Variants in CHLSN observed in about 807,000 individuals in gnomAD.
CHLSN encodes cholesin.
the CHLSN span, among the ~76,000 whole-genome samples, chr7:1,117,040 G>A: frequency 2.0e-5 from 2 of 102,262 alleles, no homozygotes; most frequent in African/African-American, 1.2e-4. Context: ...TCTACGGACC[G>A]GCTTCCATCA....
chr7:1,030,580 A>G, the CHLSN span, among the ~76,000 whole-genome samples: 1 of 152,172 alleles, frequency 6.6e-6, no homozygotes, highest in Admixed American at 6.5e-5. Flanking sequence ...GTGGACACAT[A>G]CCAGCTGCTA....
chr7:1,090,754 C>T, the CHLSN span, among the ~76,000 whole-genome samples: 1 of 152,248 alleles, frequency 6.6e-6, no homozygotes, highest in Non-Finnish European at 1.5e-5. Context: ...AGGTTACAAA[C>T]AGCATTGCAA....
At chr7:1,050,590 C>T in the CHLSN span, among the ~76,000 whole-genome samples, 5 of 152,346 alleles carry the variant, frequency 3.3e-5, no homozygotes, top group African/African-American at 9.6e-5. Context: ...TGCAGGCGGA[C>T]GGACGCGGGA....
At chr7:1,022,265 G>A in the CHLSN span, among the ~76,000 whole-genome samples, 2 of 152,154 alleles carry the variant, frequency 1.3e-5, no homozygotes, top group East Asian at 1.9e-4. Flanking sequence ...GCGCCTCCTG[G>A]ACCACGAGCT....
the CHLSN span, among the ~76,000 whole-genome samples, chr7:1,136,379 A>AAC: frequency 9.0e-5 from 9 of 100,208 alleles, no homozygotes; most frequent in Admixed American, 3.5e-4. Context: ...AATATATATA[A>AAC]ATATATAAAC....
chr7:1,028,179 C>T, the CHLSN span: 2 of 954,798 alleles, frequency 2.1e-6, no homozygotes, highest in Non-Finnish European at 2.5e-6. Context: ...CCACCTGTCG[C>T]CGCGGGGCGG....
the CHLSN span, among the ~76,000 whole-genome samples, chr7:1,100,784 AAAC>A: frequency 6.6e-6 from 1 of 152,034 alleles, no homozygotes; most frequent in African/African-American, 2.4e-5. Context: ...AAAAAAAACA[AAAC>A]AAAACCCTTT....
chr7:1,055,667 A>G, the CHLSN span, among the ~76,000 whole-genome samples: 1 of 152,150 alleles, frequency 6.6e-6, no homozygotes, highest in Admixed American at 6.5e-5. Flanking sequence ...GACAGAGCAC[A>G]CTGAGGGGTC....
chr7:1,118,003 G>A, the CHLSN span, among the ~76,000 whole-genome samples: 2 of 152,148 alleles, frequency 1.3e-5, no homozygotes, highest in Non-Finnish European at 2.9e-5. Context: ...TTCCTGCTAC[G>A]GGAATGCTGC....
the CHLSN span, among the ~76,000 whole-genome samples, chr7:995,345 A>T: frequency 2.6e-3 from 390 of 152,336 alleles, 2 homozygotes; most frequent in Non-Finnish European, 4.2e-3. Flanking sequence ...AACCCCTGAC[A>T]GGAGAGCACT....
chr7:1,051,210 G>A, the CHLSN span, among the ~76,000 whole-genome samples: 1 of 152,188 alleles, frequency 6.6e-6, no homozygotes, highest in East Asian at 1.9e-4. Context: ...AAAACGGGGC[G>A]CCAGCCTCCC....
At chr7:1,134,115 T>TA in the CHLSN span, among the ~76,000 whole-genome samples, 3 of 151,784 alleles carry the variant, frequency 2.0e-5, no homozygotes, top group Non-Finnish European at 4.4e-5. Flanking sequence ...TATATATATA[T>TA]TTTTTTAATT....
At chr7:1,073,253 T>C in the CHLSN span, among the ~76,000 whole-genome samples, 1 of 152,166 alleles carries the variant, frequency 6.6e-6, no homozygotes, top group African/African-American at 2.4e-5. Flanking sequence ...TCAAAATACA[T>C]ACAATGACCA....
chr7:1,136,039 A>C, the CHLSN span, among the ~76,000 whole-genome samples: 1 of 118,860 alleles, frequency 8.4e-6, no homozygotes, highest in African/African-American at 3.5e-5. Context: ...TATATGTATA[A>C]ATATATAAGT....
At chr7:992,695 C>T in the CHLSN span, among the ~76,000 whole-genome samples, 9 of 152,330 alleles carry the variant, frequency 5.9e-5, no homozygotes, top group South Asian at 2.1e-4. Flanking sequence ...GGGCCCTCCC[C>T]GTGATTGCTG....
At chr7:1,017,204 G>T in the CHLSN span, among the ~76,000 whole-genome samples, 4,542 of 151,926 alleles carry the variant, frequency 0.03, 81 homozygotes, top group African/African-American at 0.043. Context: ...AGTGGTGGCC[G>T]TGCTGCATCA....
the CHLSN span, among the ~76,000 whole-genome samples, chr7:1,027,471 C>G: frequency 5.9e-5 from 9 of 152,232 alleles, no homozygotes; most frequent in African/African-American, 2.2e-4. Context: ...CCCGGGCCAC[C>G]GCCTCCTCAG....
chr7:1,092,313 C>A, the CHLSN span: 1 of 1,611,744 alleles, frequency 6.2e-7, no homozygotes, highest in Non-Finnish European at 8.5e-7. Flanking sequence ...CCTTCACCGC[C>A]GTGCACCTGC....
At chr7:1,044,097 G>C in the CHLSN span, among the ~76,000 whole-genome samples, 1 of 152,214 alleles carries the variant, frequency 6.6e-6, no homozygotes, top group African/African-American at 2.4e-5. Context: ...AAACCAGGAA[G>C]TAATTGGTGA....
Sources: gnomAD v4.1 joint callset for allele counts (sites outside exome capture counted in the v4.1 genomes callset) on GRCh38, gnomAD v4.1.1 for gene constraint, MANE v1.5 for transcripts, NCBI Gene and HGNC (gene_info 2026-07-23, HGNC 2026-07-21) for gene names.